The following RNF13 variants were observed in gnomAD, a reference collection of about 807,000 sequenced individuals.
RNF13 encodes the protein E3 ubiquitin-protein ligase RNF13.
RNF13 carries 19 observed loss-of-function variants against 37.7 expected under a neutral mutation model. The ratio of observed to expected loss-of-function variants is 0.50; its 90% CI spans 0.35 to 0.74. The LOEUF (loss-of-function observed/expected upper bound fraction) is 0.74. Among genes scored for constraint, RNF13 ranks in the 30% least tolerant of loss-of-function variants. The pLI is 0.01. For missense variants in RNF13, 375 were observed against 453.0 expected, an observed-to-expected ratio of 0.83 and a Z score of 1.56; for synonymous variants, 144 against 157.8, an observed-to-expected ratio of 0.91 and a Z score of 0.65.
chr3:149,920,785 C>T (rs893556224), intron 7 of RNF13, among the ~76,000 whole-genome samples: 1 of 129,766 alleles, frequency 7.7e-6, no homozygotes, highest in Non-Finnish European at 1.6e-5. Flanking sequence ...ATCAACCTTC[C>T]CATTCTTTTT....
At chr3:149,903,210 A>G (rs973350624) in intron 6 of RNF13, among the ~76,000 whole-genome samples, 3 of 152,096 alleles carry the variant, frequency 2.0e-5, no homozygotes, top group Admixed American at 1.3e-4. Flanking sequence ...GTTGTATCAA[A>G]AAACAGTTAT....
intron 1 of RNF13, among the ~76,000 whole-genome samples, chr3:149,816,199 T>C (rs1445408718): frequency 6.6e-6 from 1 of 152,078 alleles, no homozygotes; most frequent in East Asian, 1.9e-4. Flanking sequence ...CATGCCTGTC[T>C]TATCCCCATT....
chr3:149,916,546 A>G lies in RNF13; in HGVS notation c.606+4463A>G, dbSNP rs576886022. On this transcript the variant is annotated intron_variant, in intron 7 of 9. Coordinates refer to ENST00000392894, the MANE Select transcript of RNF13 (RefSeq NM_183381.3). ...TTACATTTTAGTAGAACTTAATGCTAAATTCTTTACTTTCTTTATTTTTAT... is the reference window on the plus strand; with the variant it reads ...TTACATTTTAGTAGAACTTAATGCTGAATTCTTTACTTTCTTTATTTTTAT... Among the ~76,000 whole-genome samples the G allele has an allele frequency of 5.9e-5, 9 of 152,308 alleles. No homozygotes were observed. The South Asian group carries it at 1.9e-3, about 32-fold the overall frequency.
chr3:149,821,614 ATT>A (rs34701678), intron 1 of RNF13, among the ~76,000 whole-genome samples: 4 of 150,782 alleles, frequency 2.7e-5, no homozygotes, highest in South Asian at 4.2e-4. Context: ...CATTATGTGG[ATT>A]TTTTTTTTCA....
At chr3:149,938,334 T>A (rs368027191) in intron 8 of RNF13, among the ~76,000 whole-genome samples, 1 of 151,808 alleles carries the variant, frequency 6.6e-6, no homozygotes, top group Admixed American at 6.6e-5. Context: ...CAGACCACCA[T>A]GCCCGGCTAA....
At chr3:149,864,947 A>C (rs572950803) in intron 3 of RNF13, among the ~76,000 whole-genome samples, 1 of 152,292 alleles carries the variant, frequency 6.6e-6, no homozygotes, top group Admixed American at 6.5e-5. Flanking sequence ...CAAACTATTT[A>C]TGTCTGCAGA....
intron 4 of RNF13, among the ~76,000 whole-genome samples, chr3:149,883,269 C>T (rs1351898696): frequency 6.6e-6 from 1 of 151,966 alleles, no homozygotes; most frequent in Non-Finnish European, 1.5e-5. Context: ...CTACTTTGTG[C>T]ATTTCTGTGT....
intron 3 of RNF13, among the ~76,000 whole-genome samples, chr3:149,868,553 T>C (rs1711599015): frequency 6.6e-6 from 1 of 151,318 alleles, no homozygotes; most frequent in Admixed American, 6.6e-5. Context: ...TCCTCTTTAT[T>C]CCGATCCTCT....
chr3:149,887,276 A>G (rs1377000088), intron 4 of RNF13, among the ~76,000 whole-genome samples: 1 of 152,210 alleles, frequency 6.6e-6, no homozygotes, highest in Non-Finnish European at 1.5e-5. Flanking sequence ...TCAATAATGA[A>G]TAGAACAGCT....
At chr3:149,856,444 CTT>C (rs34185354) in intron 3 of RNF13, among the ~76,000 whole-genome samples, 152 of 135,158 alleles carry the variant, frequency 1.1e-3, no homozygotes, top group African/African-American at 2.0e-3. Context: ...CTGAAAAATA[CTT>C]TTTTTTTTTT....
intron 1 of RNF13, among the ~76,000 whole-genome samples, chr3:149,843,647 G>C (rs1187869999): frequency 6.6e-6 from 1 of 152,208 alleles, no homozygotes; most frequent in Non-Finnish European, 1.5e-5. Context: ...TGAAGCCCTT[G>C]AATACATGTG....
At chr3:149,826,871 C>T (rs1293111987) in intron 1 of RNF13, among the ~76,000 whole-genome samples, 3 of 152,166 alleles carry the variant, frequency 2.0e-5, no homozygotes, top group Admixed American at 2.0e-4. Flanking sequence ...ATCCTCATGC[C>T]TCAGCCTCCT....
At chr3:149,906,915 A>G (rs1181096985) in intron 6 of RNF13, among the ~76,000 whole-genome samples, 1 of 152,114 alleles carries the variant, frequency 6.6e-6, no homozygotes, top group Non-Finnish European at 1.5e-5. Flanking sequence ...AGCTCCACAA[A>G]GTGTTGGGAT....
At chr3:149,952,610 T>A (rs1721451383) in intron 8 of RNF13, among the ~76,000 whole-genome samples, 1 of 152,158 alleles carries the variant, frequency 6.6e-6, no homozygotes, top group African/African-American at 2.4e-5. Flanking sequence ...AAATGCTTTT[T>A]TTTTTTGAGA....
At chr3:149,956,649 C>T (rs965178148) in intron 8 of RNF13, among the ~76,000 whole-genome samples, 2 of 152,190 alleles carry the variant, frequency 1.3e-5, no homozygotes, top group African/African-American at 4.8e-5. Context: ...TGAAATTTTT[C>T]TGAAACTTTA....
chr3:149,921,471 G>T (rs577420259), intron 8 of RNF13, among the ~76,000 whole-genome samples: 1 of 152,020 alleles, frequency 6.6e-6, no homozygotes, highest in Non-Finnish European at 1.5e-5. Context: ...CCCCCAACAG[G>T]CCCTGTTGTG....
chr3:149,904,489 T>C (rs1716191362), intron 6 of RNF13, among the ~76,000 whole-genome samples: 1 of 152,114 alleles, frequency 6.6e-6, no homozygotes, highest in South Asian at 2.1e-4. Context: ...CAAGCAATCC[T>C]CCTACCTTAG....
At chr3:149,819,904 T>C (rs1002653331) in intron 1 of RNF13, among the ~76,000 whole-genome samples, 2 of 152,082 alleles carry the variant, frequency 1.3e-5, no homozygotes, top group Non-Finnish European at 1.5e-5. Flanking sequence ...ATGTAGATCT[T>C]CCTGAGGAAA....
chr3:149,931,737 C>T (rs1014849935), intron 8 of RNF13, among the ~76,000 whole-genome samples: 7 of 152,270 alleles, frequency 4.6e-5, no homozygotes, highest in Middle Eastern at 3.4e-3. Flanking sequence ...ATTTGAAATA[C>T]ATAACTTTAT....
Sources: allele counts gnomAD v4.1 joint callset (sites outside exome capture counted in the v4.1 genomes callset), GRCh38; gene constraint gnomAD v4.1.1; transcripts MANE v1.5; gene names NCBI Gene and HGNC (gene_info 2026-07-23, HGNC 2026-07-21).